ANKH: variants seen among roughly 807,000 people sequenced by gnomAD.
The protein encoded by ANKH is mineralization regulator ANKH.
Under a neutral mutation model 49.0 loss-of-function variants are expected in ANKH, and 15 were observed. The ratio of observed to expected loss-of-function variants is 0.31; its 90% CI spans 0.20 to 0.47. The LOEUF is 0.47. Among genes scored for constraint, ANKH ranks in the 20% least tolerant of loss-of-function variants. ANKH has a pLI of 1.00. For missense variants in ANKH, 429 were observed against 652.0 expected, an observed-to-expected ratio of 0.66 and a Z score of 3.72; for synonymous variants, 273 against 260.0, an observed-to-expected ratio of 1.05 and a Z score of -0.48.
At position 14,713,699 on chromosome 5, in the gene ANKH, T is replaced by C. The variant is rs201251039; in HGVS notation, c.1142-32A>G. The C allele has an allele frequency of 1.3e-4, 206 of 1,612,204 alleles. 2 individuals carry two copies. The African/African-American group carries it at 2.4e-3, about 18-fold the overall frequency. On this transcript the variant is annotated intron_variant, in intron 9 of 11. Transcript: ENST00000284268. The surrounding 1 kb of genome is among the most constrained non-coding windows in gnomAD (Gnocchi z 4.4). ...GGAGGAGCAAAGGACTCGTCAGCCG[T>C]GCCCGCCATCCACTCCCCATCCTGC...
chr5:14,798,758 T>C (rs1343260526), intron 1 of ANKH, among the ~76,000 whole-genome samples: 1 of 152,196 alleles, frequency 6.6e-6, no homozygotes, highest in Non-Finnish European at 1.5e-5. Flanking sequence ...AATGTGTGTG[T>C]CCTGACTGCT....
intron 1 of ANKH, among the ~76,000 whole-genome samples, chr5:14,827,044 C>G (rs1741362938): frequency 6.6e-6 from 1 of 152,190 alleles, no homozygotes; most frequent in South Asian, 2.1e-4. Context: ...GTGAAGAACT[C>G]AGAGGGCCTA....
At chr5:14,741,671 G>A (rs760587747) in intron 8 of ANKH, 156 bp downstream of exon 8, 9 of 646,804 alleles carry the variant, frequency 1.4e-5, no homozygotes, top group Admixed American at 2.5e-5. Context: ...AATAACAATC[G>A]TTCACATTTG....
intron 8 of ANKH, 81 bp downstream of exon 8, chr5:14,741,746 G>C (rs1738362947): frequency 6.0e-6 from 6 of 995,200 alleles, no homozygotes; most frequent in Non-Finnish European, 9.5e-6. Context: ...TGGAAAATAA[G>C]ATTTCCCCCT....
At chr5:14,855,468 T>C (rs1042351024) in intron 1 of ANKH, among the ~76,000 whole-genome samples, 1 of 152,226 alleles carries the variant, frequency 6.6e-6, no homozygotes, top group African/African-American at 2.4e-5. Flanking sequence ...TACTCCCCAT[T>C]ATTTAATAAT....
chr5:14,751,303 AG>A, intron 4 of ANKH, 64 bp from the exon 5 acceptor site: 1 of 1,532,320 alleles, frequency 6.5e-7, no homozygotes. Flanking sequence ...ACAGAAGCAC[AG>A]GGGCACGCTC....
intron 8 of ANKH, among the ~76,000 whole-genome samples, chr5:14,726,335 G>T (rs916118028): frequency 3.9e-5 from 6 of 152,130 alleles, no homozygotes; most frequent in Non-Finnish European, 8.8e-5. Context: ...GTTCACGAAG[G>T]GTTTCACAGG....
Position 14,713,509 on chromosome 5 carries a change from A to G in ANKH, c.1265+35T>C. ...TCTGGACACAGTATTGAAGTGGCAG[A>G]AGGACCCACAGCCCCAAACTCCCTG... On this transcript the variant is annotated intron_variant, in intron 10 of 11. Coordinates refer to ENST00000284268, the MANE Select transcript of ANKH (RefSeq NM_054027.6). The surrounding 1 kb of genome is among the most constrained non-coding windows in gnomAD (Gnocchi z 4.4). 1 of 1,613,304 alleles carries G rather than the reference A, an allele frequency of 6.2e-7. No individual in the cohort carries two copies. The highest frequency in any genetic ancestry group is 8.5e-7 in the Non-Finnish European group (1 of 1,179,596).
intron 1 of ANKH, among the ~76,000 whole-genome samples, chr5:14,843,177 T>C (rs1044275758): frequency 9.4e-5 from 6 of 63,788 alleles, no homozygotes; most frequent in Non-Finnish European, 1.4e-4. Flanking sequence ...AGGGTTCTCT[T>C]TTTTTTTTTT....
At chr5:14,833,388 A>G (rs1741561002) in intron 1 of ANKH, among the ~76,000 whole-genome samples, 1 of 152,168 alleles carries the variant, frequency 6.6e-6, no homozygotes, top group Non-Finnish European at 1.5e-5. Flanking sequence ...TTCGCTATTC[A>G]TGGGAATGGG....
chr5:14,775,782 G>T (rs984348386), intron 1 of ANKH, among the ~76,000 whole-genome samples: 2 of 152,174 alleles, frequency 1.3e-5, no homozygotes, highest in Admixed American at 1.3e-4. Flanking sequence ...ATGATTCTAG[G>T]TGGCAGTGAA....
At chr5:14,822,772 C>T (rs943456842) in intron 1 of ANKH, among the ~76,000 whole-genome samples, 27 of 152,312 alleles carry the variant, frequency 1.8e-4, no homozygotes, top group African/African-American at 5.5e-4. Flanking sequence ...ATTGGCTGAG[C>T]GTGGTGGCTC....
intron 8 of ANKH, among the ~76,000 whole-genome samples, chr5:14,732,868 C>T (rs979827039): frequency 2.3e-4 from 35 of 152,166 alleles, no homozygotes; most frequent in African/African-American, 8.0e-4. Flanking sequence ...CCAATTCCAG[C>T]TTGACCTAAA....
In ANKH at chr5:14,774,431, CATT is replaced by C. The variant is rs368164247; in HGVS notation, c.97-5243_97-5241del. Among the ~76,000 whole-genome samples, 332 of 152,008 alleles carry C rather than the reference CATT, an allele frequency of 2.2e-3. 1 individual carries two copies. Among genetic ancestry groups the C allele is most frequent in the African/African-American group, 7.7e-3 (320 of 41,470 alleles). On this transcript the variant is annotated intron_variant, in intron 1 of 11. Transcript: ENST00000284268. Reference sequence around the variant, plus strand: ...ATTTATTTGTGATTTTTTTCCCATTCATTATTATTATTATTTTTTTCCTCAAGA... The same window carrying C: ...ATTTATTTGTGATTTTTTTCCCATTCATTATTATTATTTTTTTCCTCAAGA...
At chr5:14,850,197 C>G (rs574409493) in intron 1 of ANKH, among the ~76,000 whole-genome samples, 1 of 152,216 alleles carries the variant, frequency 6.6e-6, no homozygotes, top group Non-Finnish European at 1.5e-5. Context: ...CCACTCCCAC[C>G]GGCTTCCAGA....
chr5:14,723,110 G>A (rs1190672640), intron 8 of ANKH, among the ~76,000 whole-genome samples: 3 of 152,080 alleles, frequency 2.0e-5, no homozygotes, highest in South Asian at 2.1e-4. Context: ...AGGAGGCTAC[G>A]GAAGCATGAT....
intron 8 of ANKH, among the ~76,000 whole-genome samples, chr5:14,721,713 A>G (rs377618468): frequency 2.8e-4 from 42 of 152,174 alleles, no homozygotes; most frequent in South Asian, 6.2e-4. Flanking sequence ...GGAGGATCAC[A>G]AGGTCAGGAG....
Position 14,711,047 on chromosome 5 carries a change from A to C in ANKH, c.*150T>G. On this transcript the variant is annotated 3_prime_UTR_variant, in exon 12 of 12. Transcript: ENST00000284268. ...AGTGTGAGCATACCCAGTATGCTAG[A>C]GAATTGACACGAAACCTTTAAATCA... 2.7e-6 allele frequency: 2 copies of C among 745,144 alleles called. No homozygotes were observed. Among genetic ancestry groups the C allele is most frequent in the South Asian group, 1.4e-5 (1 of 69,568 alleles). The allele number at this position is 745,144 out of a possible 1,614,324, so 46.2% of individuals were successfully genotyped here.
intron 8 of ANKH, among the ~76,000 whole-genome samples, chr5:14,727,218 T>C (rs1310522153): frequency 6.6e-6 from 1 of 152,196 alleles, no homozygotes; most frequent in Non-Finnish European, 1.5e-5. Flanking sequence ...TATGTAGAAT[T>C]TGATACCTTC....
Sources: gnomAD v4.1 joint callset for allele counts (sites outside exome capture counted in the v4.1 genomes callset) on GRCh38, gnomAD v4.1.1 for gene constraint, Gnocchi (gnomAD v3.1) non-coding constraint, MANE v1.5 for transcripts, NCBI Gene and HGNC (gene_info 2026-07-23, HGNC 2026-07-21) for gene names.